Variants in CD22 observed in about 807,000 individuals in gnomAD.
CD22 encodes CD22 molecule.
CD22 carries 51 observed loss-of-function variants against 94.7 expected under a neutral mutation model. The observed-to-expected ratio is 0.54, with a 90% confidence interval of 0.43 to 0.68. CD22 has a LOEUF of 0.68. Among genes scored for constraint, CD22 ranks in the 30% least tolerant of loss-of-function variants. The pLI is 0.00. For synonymous variants in CD22, 424 were observed against 422.5 expected (o/e 1.00, Z -0.04); for missense variants, 931 against 1,060.4 (o/e 0.88, Z 1.69).
rs370636164 is a variant in CD22 at position 35,341,060 on chromosome 19, T to C, written c.1429T>C (p.Trp477Arg). 3.7e-6 allele frequency: 6 copies of C among 1,614,040 alleles called. No individual in the cohort carries two copies. The African/African-American group carries it at 8.0e-5, about 22-fold the overall frequency. Residue 477 changes from tryptophan to arginine, a missense_variant, in exon 7 of 14, where the codon TGG (tryptophan) becomes CGG (arginine). Coordinates refer to ENST00000085219, the MANE Select transcript of CD22 (RefSeq NM_001771.4). The surrounding 1 kb of genome is among the most constrained non-coding windows in gnomAD (Gnocchi z 4.0). The stretch of plus-strand genomic sequence containing the variant: ...GGTGCTGAAGATCCAAAACGTTGGC[T>C]GGGACAACACAACCATCGCCTGCGC... ...LGVLKIQNVGWDNTTIACAAC... is the reference protein window; with the variant it reads ...LGVLKIQNVGRDNTTIACAAC...
At chr19:35,333,085 C>T (rs1476231501) in intron 3 of CD22, 161 bp downstream of exon 3, 3 of 668,278 alleles carry the variant, frequency 4.5e-6, no homozygotes, top group Non-Finnish European at 7.3e-6. Context: ...CTAGACAGAG[C>T]TGCGGGACCT....
Position 35,336,223 on chromosome 19 carries a change from C to T in CD22, c.600C>T (p.Thr200=). 1 of 1,614,204 alleles carries T rather than the reference C, an allele frequency of 6.2e-7. No individual in the cohort carries two copies. The highest frequency in any genetic ancestry group is 8.5e-7 in the Non-Finnish European group (1 of 1,180,042). Reference sequence around the variant, plus strand: ...CCTTGACCATCAAGTCTGTCTTCACCCGGAGCGAGCTCAAGTTCTCCCCAC... The same window carrying T: ...CCTTGACCATCAAGTCTGTCTTCACTCGGAGCGAGCTCAAGTTCTCCCCAC... ...STSLTIKSVF[T]RSELKFSPQW... Residue 200 remains threonine (T), a synonymous_variant, in exon 4 of 14, where the codon ACC becomes ACT. Transcript: ENST00000085219.
chr19:35,337,888 C>T lies in CD22; in HGVS notation c.852C>T (p.Thr284=). Residue 284 remains threonine (T), a synonymous_variant, in exon 5 of 14, where the codon ACC becomes ACT. Transcript: ENST00000085219. The surrounding 1 kb of genome is among the most constrained non-coding windows in gnomAD (Gnocchi z 4.4). The part of the protein sequence containing the change: ...YTTVSWLKDG[T]SLKKQNTFTL... ...CGGTATCCTGGCTCAAGGATGGGAC[C>T]TCGCTGAAGAAGCAGAATACATTCA... The T allele has an allele frequency of 6.2e-7, 1 of 1,614,178 alleles. No individual in the cohort carries two copies.
Position 35,346,719 on chromosome 19 carries a change from G to T in CD22, c.*22G>T. 1 of 1,582,178 alleles carries T rather than the reference G, an allele frequency of 6.3e-7. No individual in the cohort carries two copies. The highest frequency in any genetic ancestry group is 8.6e-7 in the Non-Finnish European group (1 of 1,161,770). The stretch of plus-strand genomic sequence containing the variant: ...TTGACACTGGATGGGCTGCAGCAGA[G>T]GCACTGGGGGCAGCGGGGGCCAGGG... On this transcript the variant is annotated 3_prime_UTR_variant, in exon 14 of 14. Transcript: ENST00000085219.
chr19:35,342,361 G>T (rs1197120057), intron 9 of CD22, among the ~76,000 whole-genome samples: 1 of 151,960 alleles, frequency 6.6e-6, no homozygotes, highest in Admixed American at 6.6e-5. Context: ...TAGAGATGGG[G>T]TCTTACTATG....
chr19:35,338,152 C>T lies in CD22; in HGVS notation c.986-16C>T. ...GCTCTCCTCACCCCTCCACTCGCCT[C>T]TGCCCCCTCTTCCAGATGCCCCGGA... On this transcript the variant is annotated splice_polypyrimidine_tract_variant and intron_variant, in intron 5 of 13. Coordinates refer to ENST00000085219, the MANE Select transcript of CD22 (RefSeq NM_001771.4). The T allele has an allele frequency of 6.2e-7, 1 of 1,600,868 alleles. No homozygotes were observed. Among genetic ancestry groups the T allele is most frequent in the Non-Finnish European group, 8.5e-7 (1 of 1,172,312 alleles).
chr19:35,344,553 A>T (rs2066870694), intron 9 of CD22, among the ~76,000 whole-genome samples: 1 of 152,238 alleles, frequency 6.6e-6, no homozygotes, highest in Non-Finnish European at 1.5e-5. Flanking sequence ...TACTGCCGTG[A>T]AGAGCTGCAC....
At chr19:35,338,045 A>G (rs750372587) in intron 5 of CD22, 24 bp downstream of exon 5, 4 of 1,592,128 alleles carry the variant, frequency 2.5e-6, no homozygotes, top group Non-Finnish European at 2.6e-6. Context: ...AGCTGGGGAC[A>G]GGCCAGGCAG....
intron 1 of CD22, 148 bp downstream of exon 1, chr19:35,329,378 A>G: frequency 2.3e-6 from 1 of 438,752 alleles, no homozygotes; most frequent in South Asian, 1.7e-5. Flanking sequence ...TTGTAGACAG[A>G]CCCCTGTCTT....
intron 9 of CD22, among the ~76,000 whole-genome samples, chr19:35,342,957 C>A (rs1288237205): frequency 6.6e-6 from 1 of 152,128 alleles, no homozygotes; most frequent in Admixed American, 6.5e-5. Context: ...ACTACAGGCG[C>A]CTGCCACCAT....
intron 9 of CD22, among the ~76,000 whole-genome samples, chr19:35,343,351 T>A (rs1488249538): frequency 6.6e-6 from 1 of 152,122 alleles, no homozygotes; most frequent in Non-Finnish European, 1.5e-5. Context: ...AGAACTCTCA[T>A]CCCCACCAAA....
rs183001623 is a variant in CD22 at position 35,332,611 on chromosome 19, C to T, written c.99C>T (p.Tyr33=). ...KWVFEHPETL[Y]AWEGACVWIP... Reference sequence around the variant, plus strand: ...TTTTTGAGCACCCTGAAACCCTCTACGCCTGGGAGGGGGCCTGCGTCTGGA... The same window carrying T: ...TTTTTGAGCACCCTGAAACCCTCTATGCCTGGGAGGGGGCCTGCGTCTGGA... The change falls in exon 3 of 14, where the codon TAC becomes TAT. Residue 33 remains tyrosine, a synonymous_variant. Coordinates refer to ENST00000085219, the MANE Select transcript of CD22 (RefSeq NM_001771.4). 24 of 1,614,088 alleles carry T rather than the reference C, an allele frequency of 1.5e-5. No individual in the cohort carries two copies. The highest frequency in any genetic ancestry group is 3.3e-4 in the Middle Eastern group (2 of 6,062).
At chr19:35,335,810 G>A (rs1235419347) in intron 3 of CD22, among the ~76,000 whole-genome samples, 7 of 152,080 alleles carry the variant, frequency 4.6e-5, no homozygotes, top group Middle Eastern at 3.4e-3. Context: ...AGCCAAGATC[G>A]CGCCACTGCA....
chr19:35,340,923 C>T lies in CD22; in HGVS notation c.1292C>T (p.Pro431Leu), dbSNP rs201873766. The T allele has an allele frequency of 4.3e-4, 695 of 1,614,098 alleles. No homozygotes were observed. Among genetic ancestry groups the T allele is most frequent in the Non-Finnish European group, 5.6e-4 (665 of 1,180,014 alleles). ...ACCACAGTGATTCAAAACCCCATGC[C>T]GATTCGAGAAGGAGACACAGTGACC... The part of the protein sequence containing the change: ...KVTTVIQNPM[P>L]IREGDTVTLS... Residue 431 changes from proline (P) to leucine (L), a missense_variant, in exon 7 of 14, where the codon CCG (proline) becomes CTG (leucine). Coordinates refer to ENST00000085219, the MANE Select transcript of CD22 (RefSeq NM_001771.4).
intron 4 of CD22, chr19:35,336,640 A>G (rs1236105243): frequency 2.4e-6 from 1 of 410,550 alleles, no homozygotes; most frequent in Non-Finnish European, 4.5e-6. Flanking sequence ...CATTCATTCA[A>G]TAAATACGTA....
In CD22 at chr19:35,329,238, T is replaced by C. The variant is rs2066613359; in HGVS notation, c.-23+8T>C. 2 of 1,289,100 alleles carry C rather than the reference T, an allele frequency of 1.6e-6. No homozygotes were observed. Among genetic ancestry groups the C allele is most frequent in the Non-Finnish European group, 2.0e-6 (2 of 988,252 alleles). 79.9% of individuals were successfully genotyped at this position (1,289,100 alleles called of 1,614,324 possible). ...GAAGACACGCGGAAACAGGTAAAAA[T>C]CATTTTGCTTTTATTTTGCATTCAA... is the stretch of plus-strand genomic sequence containing the variant. On this transcript the variant is annotated splice_region_variant and intron_variant, in intron 1 of 13. Transcript: ENST00000085219.
chr19:35,347,285 T>C lies in CD22; in HGVS notation c.*588T>C, dbSNP rs1235498220. The C allele has an allele frequency of 6.5e-6, 1 of 152,706 alleles. No homozygotes were observed. The highest frequency in any genetic ancestry group is 1.9e-4 in the East Asian group (1 of 5,202). 9.5% of individuals were successfully genotyped at this position (152,706 alleles called of 1,614,324 possible). A position where few individuals can be genotyped will look rare whatever the true frequency, so the allele number is the denominator to read the frequency against. On this transcript the variant is annotated 3_prime_UTR_variant, in exon 14 of 14. Coordinates refer to ENST00000085219, the MANE Select transcript of CD22 (RefSeq NM_001771.4). ...GACTCTGGGGACTCCGGGTTTGAGA[T>C]GGACACACTGGTGTGGATTAACCTG...
At chr19:35,338,481 G>C in intron 6 of CD22, 50 bp downstream of exon 6, 1 of 1,572,628 alleles carries the variant, frequency 6.4e-7, no homozygotes, top group Non-Finnish European at 8.6e-7. Flanking sequence ...TGGACACAGG[G>C]AACGGGGAAG....
intron 6 of CD22, 117 bp downstream of exon 6, chr19:35,338,548 G>A: frequency 1.9e-6 from 2 of 1,077,896 alleles, no homozygotes; most frequent in South Asian, 3.1e-5. Flanking sequence ...GAGCAGCCAG[G>A]GTCTCCTGTT....
Sources: allele counts gnomAD v4.1 joint callset (sites outside exome capture counted in the v4.1 genomes callset), GRCh38; gene constraint gnomAD v4.1.1; non-coding constraint Gnocchi (gnomAD v3.1); transcripts MANE v1.5; gene names NCBI Gene and HGNC (gene_info 2026-07-23, HGNC 2026-07-21).